ZDHHC3: variants seen among roughly 807,000 people sequenced by gnomAD.
The protein encoded by ZDHHC3 is zDHHC palmitoyltransferase 3.
A neutral mutation model predicts 30.6 loss-of-function variants in ZDHHC3; 9 were observed. The ratio of observed to expected loss-of-function variants is 0.29; its 90% CI spans 0.18 to 0.51. ZDHHC3 has a LOEUF of 0.51. ZDHHC3 is among the 20% of genes least tolerant of loss of function. ZDHHC3 has a pLI of 0.97. For synonymous variants in ZDHHC3, 136 were observed against 140.2 expected (o/e 0.97, Z 0.21); for missense variants, 246 against 384.2 (o/e 0.64, Z 3.01).
chr3:44,943,178 A>G (rs1486544535), intron 3 of ZDHHC3, among the ~76,000 whole-genome samples: 2 of 152,186 alleles, frequency 1.3e-5, no homozygotes, highest in African/African-American at 4.8e-5. Flanking sequence ...AGAAAAACAT[A>G]CATACAACTA....
intron 3 of ZDHHC3, among the ~76,000 whole-genome samples, chr3:44,937,101 T>C (rs563690732): frequency 6.6e-6 from 1 of 152,258 alleles, no homozygotes; most frequent in African/African-American, 2.4e-5. Flanking sequence ...CAGGTTGAAA[T>C]GCTATAAACA....
rs973273025 is a variant in ZDHHC3, at chr3:44,921,459, C to T, written c.*5230G>A. 1.0e-6 allele frequency: 1 copy of T among 985,322 alleles called. No individual in the cohort carries two copies. Among genetic ancestry groups the T allele is most frequent in the African/African-American group, 1.7e-5 (1 of 57,240 alleles). The allele number at this position is 985,322 out of a possible 1,614,324, so 61.0% of individuals were successfully genotyped here. On this transcript the variant is annotated 3_prime_UTR_variant, in exon 7 of 7. Coordinates refer to ENST00000424952, the MANE Select transcript of ZDHHC3 (RefSeq NM_001135179.2). ...CATTTTTCTGTTGCATTCCAGAACA[C>T]ATATACACACAACTCCCTAAGCTTC...
At chr3:44,930,946 T>A (rs1454864876) in intron 5 of ZDHHC3, among the ~76,000 whole-genome samples, 1 of 152,176 alleles carries the variant, frequency 6.6e-6, no homozygotes, top group Non-Finnish European at 1.5e-5. Flanking sequence ...TCATGAGCTC[T>A]AACTACAAGG....
chr3:44,972,426 G>A (rs1299931337), intron 1 of ZDHHC3, among the ~76,000 whole-genome samples: 4 of 152,358 alleles, frequency 2.6e-5, no homozygotes, highest in East Asian at 3.9e-4. Flanking sequence ...TTGTGCCACC[G>A]CACTCCAGCC....
Position 44,917,734 on chromosome 3 carries a change from A to C in ZDHHC3, c.*8955T>G. 2.3e-6 allele frequency: 2 copies of C among 867,596 alleles called. No homozygotes were observed. Among genetic ancestry groups the C allele is most frequent in the South Asian group, 3.4e-5 (2 of 59,428 alleles). 53.7% of individuals were successfully genotyped at this position (867,596 alleles called of 1,614,324 possible). On this transcript the variant is annotated 3_prime_UTR_variant, in exon 7 of 7. Transcript: ENST00000424952. ...TCCCGACCCCCAGACCTGGCCCAAC[A>C]TGGAGAGAAGAAGGAGGGGAAATGG...
chr3:44,917,758 G>A lies in ZDHHC3; in HGVS notation c.*8931C>T. The A allele has an allele frequency of 3.7e-6, 4 of 1,082,002 alleles. No homozygotes were observed. The highest frequency in any genetic ancestry group is 3.1e-5 in the South Asian group (2 of 64,774). 67.0% of individuals were successfully genotyped at this position (1,082,002 alleles called of 1,614,324 possible). A position where few individuals can be genotyped will look rare whatever the true frequency, so the allele number is the denominator to read the frequency against. ...CATGGAGAGAAGAAGGAGGGGAAAT[G>A]GCAAGGCCAAGCGAGTGGCTAAGGG... On this transcript the variant is annotated 3_prime_UTR_variant, in exon 7 of 7. Coordinates refer to ENST00000424952, the MANE Select transcript of ZDHHC3 (RefSeq NM_001135179.2).
chr3:44,932,481 G>A (rs1336632534), intron 5 of ZDHHC3, among the ~76,000 whole-genome samples: 1 of 152,212 alleles, frequency 6.6e-6, no homozygotes, highest in Non-Finnish European at 1.5e-5. Context: ...AGCCCAGCAG[G>A]TGGCCTCTTA....
chr3:44,929,921 G>C (rs561508014), intron 5 of ZDHHC3, among the ~76,000 whole-genome samples: 110 of 152,258 alleles, frequency 7.2e-4, no homozygotes, highest in Non-Finnish European at 1.3e-3. Context: ...CTCACAGGCA[G>C]CTGTGGAGGA....
chr3:44,957,663 C>A (rs1259889344), intron 2 of ZDHHC3, among the ~76,000 whole-genome samples: 3 of 152,234 alleles, frequency 2.0e-5, no homozygotes, highest in Non-Finnish European at 4.4e-5. Flanking sequence ...TTCCTGTCCT[C>A]AATGTCCACT....
At chr3:44,961,030 A>G (rs1704430764) in intron 1 of ZDHHC3, among the ~76,000 whole-genome samples, 1 of 152,246 alleles carries the variant, frequency 6.6e-6, no homozygotes, top group Non-Finnish European at 1.5e-5. Flanking sequence ...GCCCAAAGGA[A>G]TATCGACTCA....
chr3:44,922,689 C>G lies in ZDHHC3; in HGVS notation c.*4000G>C. 1.4e-5 allele frequency: 14 copies of G among 985,380 alleles called. No individual in the cohort carries two copies. The highest frequency in any genetic ancestry group is 1.6e-5 in the Non-Finnish European group (13 of 829,906). The allele number at this position is 985,380 out of a possible 1,614,324, so 61.0% of individuals were successfully genotyped here. A position where few individuals can be genotyped will look rare whatever the true frequency, so the allele number is the denominator to read the frequency against. On this transcript the variant is annotated 3_prime_UTR_variant, in exon 7 of 7. Transcript: ENST00000424952. ...CAACTGGATTCTCAAACTTGATAGT[C>G]AGAATCACCTGGAGGGCTGTTAAGA...
intron 1 of ZDHHC3, among the ~76,000 whole-genome samples, chr3:44,961,340 C>T (rs927292922): frequency 2.0e-5 from 3 of 152,044 alleles, no homozygotes; most frequent in Non-Finnish European, 4.4e-5. Flanking sequence ...TGCAGTGAGC[C>T]GAGATCACGC....
intron 3 of ZDHHC3, among the ~76,000 whole-genome samples, chr3:44,942,193 G>A (rs545092538): frequency 3.3e-5 from 5 of 152,358 alleles, no homozygotes; most frequent in Admixed American, 1.3e-4. Flanking sequence ...TTGCCTGAGC[G>A]GGCAAGGTCG....
chr3:44,957,817 T>C (rs886368684), intron 2 of ZDHHC3, among the ~76,000 whole-genome samples: 2 of 152,204 alleles, frequency 1.3e-5, no homozygotes, highest in Middle Eastern at 3.2e-3. Context: ...ATCACCTGTC[T>C]TTTCTAGACA....
At position 44,925,369 on chromosome 3, in the gene ZDHHC3, G is replaced by C; in HGVS notation, c.*1320C>G. ...CTAAAAAAGGGGGTTTCTGGCAATT[G>C]CTTAAAAAACAAATCAATGTGTGAG... On this transcript the variant is annotated 3_prime_UTR_variant, in exon 7 of 7. Coordinates refer to ENST00000424952, the MANE Select transcript of ZDHHC3 (RefSeq NM_001135179.2). 4.1e-6 allele frequency: 4 copies of C among 985,796 alleles called. No homozygotes were observed. The highest frequency in any genetic ancestry group is 4.7e-5 in the South Asian group (1 of 21,288). 61.1% of individuals were successfully genotyped at this position (985,796 alleles called of 1,614,324 possible). A position where few individuals can be genotyped will look rare whatever the true frequency, so the allele number is the denominator to read the frequency against.
chr3:44,975,965 C>A lies in ZDHHC3; in HGVS notation c.-57G>T. On this transcript the variant is annotated 5_prime_UTR_variant, in exon 1 of 7. Coordinates refer to ENST00000424952, the MANE Select transcript of ZDHHC3 (RefSeq NM_001135179.2). ...CCGGAGGCAGTTCCCCAGTCCCAGACCCCGGTGGGGCTCCCGCCGCCGCCG... is the reference window on the plus strand; with the variant it reads ...CCGGAGGCAGTTCCCCAGTCCCAGAACCCGGTGGGGCTCCCGCCGCCGCCG... 3.4e-6 allele frequency: 1 copy of A among 297,804 alleles called. No individual in the cohort carries two copies. The highest frequency in any genetic ancestry group is 6.1e-6 in the Non-Finnish European group (1 of 162,982). The allele number at this position is 297,804 out of a possible 1,614,324, so 18.4% of individuals were successfully genotyped here. A position where few individuals can be genotyped will look rare whatever the true frequency, so the allele number is the denominator to read the frequency against.
chr3:44,933,879 C>G lies in ZDHHC3; in HGVS notation c.528+9G>C. ...TGGGGGGCAGGGCAGAATTTGCAAG[C>G]TGACTTACTGTAAACAGGACGAAGT... On this transcript the variant is annotated intron_variant, in intron 4 of 6. Transcript: ENST00000424952. 1 of 1,613,964 alleles carries G rather than the reference C, an allele frequency of 6.2e-7. No individual in the cohort carries two copies. Among genetic ancestry groups the G allele is most frequent in the Non-Finnish European group, 8.5e-7 (1 of 1,179,854 alleles).
At chr3:44,965,048 C>T (rs1467255) in intron 1 of ZDHHC3, among the ~76,000 whole-genome samples, 83,559 of 151,778 alleles carry the variant, frequency 0.55, 23,672 homozygotes, top group East Asian at 0.89. Context: ...CTAGTGCCAG[C>T]AATCCTGATA....
Position 44,959,275 on chromosome 3 carries a change from C to A in ZDHHC3, c.162G>T (p.Leu54=). The change falls in exon 2 of 7, where the codon CTG becomes CTT. Residue 54 remains leucine (L), a synonymous_variant. Transcript: ENST00000424952. This position sits in a 1 kb window ranked among gnomAD's most constrained non-coding sequence, Gnocchi z 4.3. ...GGACCACGAACTCCGCATAGAGGAC[C>A]AGAAACCAGGTAACGATGGCACAGG... ...GIACAIVTWF[L]VLYAEFVVLF... 6.2e-7 allele frequency: 1 copy of A among 1,614,198 alleles called. No homozygotes were observed. Among genetic ancestry groups the A allele is most frequent in the Non-Finnish European group, 8.5e-7 (1 of 1,180,038 alleles).
Sources: gnomAD v4.1 joint callset for allele counts (sites outside exome capture counted in the v4.1 genomes callset) on GRCh38, gnomAD v4.1.1 for gene constraint, Gnocchi (gnomAD v3.1) non-coding constraint, MANE v1.5 for transcripts, NCBI Gene and HGNC (gene_info 2026-07-23, HGNC 2026-07-21) for gene names.